The following C8orf34 variants were observed in gnomAD, a reference collection of about 807,000 sequenced individuals.
The protein encoded by C8orf34 is uncharacterized protein C8orf34.
Under a neutral mutation model 68.3 loss-of-function variants are expected in C8orf34, and 65 were observed. The observed-to-expected ratio is 0.95, with a 90% CI of 0.78 to 1.17. C8orf34 has a LOEUF of 1.17. C8orf34 is among the 50% of genes most tolerant of loss of function. The probability of loss-of-function intolerance (pLI) is 0.00; values close to 1 mark genes in which losing one functional copy is unlikely to be tolerated. For synonymous variants in C8orf34, 244 were observed against 241.2 expected, an observed-to-expected ratio of 1.01 and a Z score of -0.11; for missense variants, 664 against 655.4, an observed-to-expected ratio of 1.01 and a Z score of -0.14.
At chr8:68,675,036 A>G (rs553036022) in intron 8 of C8orf34, among the ~76,000 whole-genome samples, 6 of 152,234 alleles carry the variant, frequency 3.9e-5, no homozygotes, top group Non-Finnish European at 8.8e-5. Context: ...CTTTTACCCT[A>G]GAATAATATA....
intron 3 of C8orf34, among the ~76,000 whole-genome samples, chr8:68,458,459 C>CA (rs1442874074): frequency 6.6e-6 from 1 of 151,656 alleles, no homozygotes; most frequent in African/African-American, 2.4e-5. Context: ...TAAAAAAAAC[C>CA]AAAAAACCTG....
intron 1 of C8orf34, among the ~76,000 whole-genome samples, chr8:68,412,917 A>G (rs1369882913): frequency 2.0e-5 from 3 of 152,098 alleles, no homozygotes; most frequent in East Asian, 1.9e-4. Context: ...TCTGTGTCCT[A>G]TCAAGCTTAA....
chr8:68,565,646 C>A (rs183020617), intron 7 of C8orf34, among the ~76,000 whole-genome samples: 25 of 152,202 alleles, frequency 1.6e-4, no homozygotes, highest in Non-Finnish European at 2.5e-4. Context: ...AGTTTTCTAA[C>A]CTCAGTGAAA....
At chr8:68,701,784 C>T (rs1474381576) in intron 8 of C8orf34, among the ~76,000 whole-genome samples, 1 of 152,096 alleles carries the variant, frequency 6.6e-6, no homozygotes, top group East Asian at 1.9e-4. Context: ...TCAAATGTTG[C>T]AGCTATCACA....
chr8:68,448,943 TAAG>T (rs1405275316), intron 3 of C8orf34, among the ~76,000 whole-genome samples: 1 of 152,046 alleles, frequency 6.6e-6, no homozygotes, highest in African/African-American at 2.4e-5. Flanking sequence ...GTTATTTAAT[TAAG>T]AAGACATCAT....
intron 3 of C8orf34, among the ~76,000 whole-genome samples, chr8:68,461,082 A>G (rs931408241): frequency 6.6e-6 from 1 of 152,258 alleles, no homozygotes; most frequent in Non-Finnish European, 1.5e-5. Flanking sequence ...TAACCAATAC[A>G]GAGAAGTGCT....
intron 1 of C8orf34, among the ~76,000 whole-genome samples, chr8:68,419,036 G>A (rs1809815214): frequency 6.6e-6 from 1 of 150,480 alleles, no homozygotes; most frequent in South Asian, 2.1e-4. Flanking sequence ...CCATCAGAGT[G>A]AACAGGCAAC....
chr8:68,452,745 T>C (rs1811395579), intron 3 of C8orf34, among the ~76,000 whole-genome samples: 1 of 151,434 alleles, frequency 6.6e-6, no homozygotes, highest in Non-Finnish European at 1.5e-5. Flanking sequence ...TGTCATTTTA[T>C]GTACATCAGT....
At chr8:68,632,678 C>T (rs1818726847) in intron 7 of C8orf34, among the ~76,000 whole-genome samples, 1 of 152,126 alleles carries the variant, frequency 6.6e-6, no homozygotes, top group East Asian at 1.9e-4. Flanking sequence ...GGCCAGGGCC[C>T]TGCTCCTCTG....
chr8:68,514,968 G>A (rs1563499209), intron 5 of C8orf34, among the ~76,000 whole-genome samples: 3 of 152,220 alleles, frequency 2.0e-5, no homozygotes, highest in East Asian at 1.9e-4. Context: ...AATGAACAGG[G>A]GGGAATGGAA....
intron 7 of C8orf34, among the ~76,000 whole-genome samples, chr8:68,595,636 G>A (rs1239231109): frequency 1.3e-5 from 2 of 151,784 alleles, no homozygotes; most frequent in East Asian, 3.9e-4. Context: ...ATGTTTAAGG[G>A]ATATTTCAGG....
At chr8:68,430,996 T>C (rs1371729545) in intron 1 of C8orf34, among the ~76,000 whole-genome samples, 1 of 152,158 alleles carries the variant, frequency 6.6e-6, no homozygotes, top group Non-Finnish European at 1.5e-5. Context: ...ATAAGGGAGA[T>C]ATTGTCCTAC....
chr8:68,525,650 T>C (rs768905494), intron 6 of C8orf34: 50 of 705,034 alleles, frequency 7.1e-5, no homozygotes, highest in Middle Eastern at 4.2e-4. Context: ...CTGCCATTTT[T>C]CTAGATCTTT....
At chr8:68,483,048 A>G (rs1394618856) in intron 4 of C8orf34, among the ~76,000 whole-genome samples, 1 of 152,152 alleles carries the variant, frequency 6.6e-6, no homozygotes, top group Middle Eastern at 3.2e-3. Context: ...TATGAATCGA[A>G]CCTACTTTTG....
chr8:68,381,731 T>A (rs1586023781), intron 1 of C8orf34, among the ~76,000 whole-genome samples: 1 of 72,602 alleles, frequency 1.4e-5, no homozygotes, highest in African/African-American at 6.1e-5. Context: ...AGAGCGAGAC[T>A]CCGTCTCAAA....
rs75498039 is a variant in C8orf34, at chr8:68,779,237, G to C, written c.1455+2788G>C. Among the ~76,000 whole-genome samples, 789 of 149,176 alleles carry C rather than the reference G, an allele frequency of 5.3e-3. 3 individuals carry two copies. The highest frequency in any genetic ancestry group is 0.019 in the African/African-American group (754 of 40,570). On this transcript the variant is annotated intron_variant, in intron 11 of 13. Transcript: ENST00000518698. ...CACACACACACACACACACTACCCA[G>C]ACGAATAACTGGGAAGCAGCGTAGT...
chr8:68,632,684 C>T (rs1167245188), intron 7 of C8orf34, among the ~76,000 whole-genome samples: 4 of 152,134 alleles, frequency 2.6e-5, no homozygotes, highest in Non-Finnish European at 4.4e-5. Context: ...GGCCCTGCTC[C>T]TCTGTTCAGC....
At chr8:68,341,507 T>G (rs774882283) in intron 1 of C8orf34, among the ~76,000 whole-genome samples, 1 of 152,084 alleles carries the variant, frequency 6.6e-6, no homozygotes, top group East Asian at 1.9e-4. Flanking sequence ...CCAGATAATA[T>G]AGTGTGGATG....
intron 7 of C8orf34, among the ~76,000 whole-genome samples, chr8:68,630,278 C>A (rs1818653019): frequency 6.6e-6 from 1 of 151,908 alleles, no homozygotes; most frequent in Non-Finnish European, 1.5e-5. Flanking sequence ...TTTATTTAAA[C>A]TGGAATATCC....
Sources: allele counts gnomAD v4.1 joint callset (sites outside exome capture counted in the v4.1 genomes callset), GRCh38; gene constraint gnomAD v4.1.1; transcripts MANE v1.5; gene names NCBI Gene and HGNC (gene_info 2026-07-23, HGNC 2026-07-21).